Variants in PSD3 observed in about 807,000 individuals in gnomAD.
PSD3 encodes the protein PH and SEC7 domain-containing protein 3.
In PSD3, 49 loss-of-function variants were observed where a neutral mutation model predicts 105.5. The ratio of observed to expected loss-of-function variants is 0.46; its 90% CI spans 0.37 to 0.59. The LOEUF (loss-of-function observed/expected upper bound fraction) is 0.59. Among genes scored for constraint, PSD3 ranks in the 20% least tolerant of loss-of-function variants. PSD3 has a pLI of 0.00. For synonymous variants in PSD3, 557 were observed against 457.8 expected, an observed-to-expected ratio of 1.22 and a Z score of -2.77; for missense variants, 1,561 against 1,263.8, an observed-to-expected ratio of 1.24 and a Z score of -3.57.
chr8:18,833,726 C>T (rs578165803), intron 4 of PSD3, among the ~76,000 whole-genome samples: 4 of 151,932 alleles, frequency 2.6e-5, no homozygotes, highest in African/African-American at 7.2e-5. Flanking sequence ...GTGCTACCTG[C>T]CATTACAATT....
intron 9 of PSD3, among the ~76,000 whole-genome samples, chr8:18,663,790 A>T (rs913263887): frequency 2.0e-5 from 3 of 152,224 alleles, no homozygotes; most frequent in African/African-American, 7.2e-5. Context: ...TGCCTCACTG[A>T]GCTTCACGTA....
In PSD3 at chr8:18,699,893, T is replaced by A. The variant is rs140267518; in HGVS notation, c.2173-44208A>T. ...AAAAAAAAAACCACAAAAATCAAGCTGCAGATTCCGCTCCTATATTTTCCT... is the reference window on the plus strand; with the variant it reads ...AAAAAAAAAACCACAAAAATCAAGCAGCAGATTCCGCTCCTATATTTTCCT... On this transcript the variant is annotated intron_variant, in intron 9 of 15. Transcript: ENST00000327040. Among the ~76,000 whole-genome samples the A allele has an allele frequency of 3.5e-4, 53 of 151,058 alleles. 1 individual carries two copies. Among genetic ancestry groups the A allele is most frequent in the African/African-American group, 1.2e-3 (51 of 41,298 alleles).
At chr8:18,869,838 C>G (rs1334167544) in intron 3 of PSD3, among the ~76,000 whole-genome samples, 3 of 152,176 alleles carry the variant, frequency 2.0e-5, no homozygotes, top group Admixed American at 1.3e-4. Context: ...TTTATGTGAT[C>G]AATGTTTATC....
At chr8:18,915,852 T>C (rs911112644) in intron 2 of PSD3, among the ~76,000 whole-genome samples, 4 of 152,136 alleles carry the variant, frequency 2.6e-5, no homozygotes, top group African/African-American at 9.7e-5. Context: ...CCCAGCACTT[T>C]GGGAGGCCAA....
At position 18,788,046 on chromosome 8, in the gene PSD3, G is replaced by C. The variant is rs150057684; in HGVS notation, c.2082+11249C>G. ...TAAACAACTGGGTTTGGCTATTTAC[G>C]ATAACACTGATTTACAGAAACAAGC... On this transcript the variant is annotated intron_variant, in intron 8 of 15. Coordinates refer to ENST00000327040, the MANE Select transcript of PSD3 (RefSeq NM_015310.4). 1.3e-4 allele frequency among the ~76,000 whole-genome samples: 20 copies of C among 152,198 alleles called. No homozygotes were observed. In the East Asian group the frequency reaches 3.7e-3, roughly 28 times the overall value.
At chr8:18,863,614 CA>C (rs1292141988) in intron 4 of PSD3, among the ~76,000 whole-genome samples, 1 of 152,138 alleles carries the variant, frequency 6.6e-6, no homozygotes, top group Non-Finnish European at 1.5e-5. Flanking sequence ...AAAGTAATGA[CA>C]AAAAACTTAA....
At chr8:18,993,126 A>C (rs1250632948) in intron 1 of PSD3, among the ~76,000 whole-genome samples, 2 of 152,132 alleles carry the variant, frequency 1.3e-5, no homozygotes, top group East Asian at 3.8e-4. Context: ...AAAATAAGAA[A>C]ATCTTGTAAA....
intron 1 of PSD3, among the ~76,000 whole-genome samples, chr8:19,020,427 C>A (rs144140515): frequency 6.6e-6 from 1 of 151,970 alleles, no homozygotes; most frequent in Non-Finnish European, 1.5e-5. Flanking sequence ...TGAGGTCTTG[C>A]CTGGCGTGTT....
At chr8:18,875,452 G>A (rs890308082) in intron 2 of PSD3, among the ~76,000 whole-genome samples, 2 of 152,076 alleles carry the variant, frequency 1.3e-5, no homozygotes, top group Non-Finnish European at 2.9e-5. Context: ...GAAGGCAGTA[G>A]GTCTTTTCAT....
rs779667482 is a variant in PSD3, at chr8:18,804,793, G to A, written c.1740C>T (p.Ser580=). The A allele has an allele frequency of 4.3e-6, 7 of 1,613,948 alleles. No individual in the cohort carries two copies. Among genetic ancestry groups the A allele is most frequent in the African/African-American group, 4.0e-5 (3 of 74,892 alleles). The stretch of plus-strand genomic sequence containing the variant: ...CCAACCTTTTGGCTGCTTCCACATT[G>A]CTGCTGGTACCATTACTGAGATTTT... ...TPENLSNGTS[S]NVEAAKRLAK... Residue 580 remains serine (S), a synonymous_variant, in exon 5 of 16, where the codon AGC becomes AGT. Transcript: ENST00000327040.
chr8:18,538,805 T>C (rs183094474), intron 15 of PSD3, among the ~76,000 whole-genome samples: 17 of 152,208 alleles, frequency 1.1e-4, no homozygotes, highest in South Asian at 2.1e-4. Context: ...TGCAAAGCTA[T>C]TGTCTTAAAT....
At chr8:18,701,611 G>A (rs1801587172) in intron 9 of PSD3, among the ~76,000 whole-genome samples, 1 of 152,114 alleles carries the variant, frequency 6.6e-6, no homozygotes, top group African/African-American at 2.4e-5. Context: ...ATTGTTGAAG[G>A]AAACAAAAAA....
At chr8:18,790,884 GAT>G (rs1463670980) in intron 8 of PSD3, among the ~76,000 whole-genome samples, 2 of 151,942 alleles carry the variant, frequency 1.3e-5, no homozygotes, top group African/African-American at 4.8e-5. Context: ...GAAGTCTCAG[GAT>G]ACAAAGATCA....
At chr8:18,968,510 A>G (rs1824426101) in intron 1 of PSD3, among the ~76,000 whole-genome samples, 1 of 152,214 alleles carries the variant, frequency 6.6e-6, no homozygotes, top group African/African-American at 2.4e-5. Context: ...ACGCTTCTTT[A>G]TAGACATCTC....
rs80119561 is a variant in PSD3 at position 18,625,688 on chromosome 8, G to C, written c.2410+6925C>G. On this transcript the variant is annotated intron_variant, in intron 11 of 15. Transcript: ENST00000327040. ...TTTAACAATATGCTACTATTAGTTT[G>C]GTATAATCAGATTTTTGTTCCACCA... Among the ~76,000 whole-genome samples, 658 of 152,188 alleles carry C rather than the reference G, an allele frequency of 4.3e-3. 9 individuals are homozygous for C. The highest frequency in any genetic ancestry group is 0.032 in the Admixed American group (483 of 15,264).
intron 1 of PSD3, among the ~76,000 whole-genome samples, chr8:19,070,761 C>T (rs999988379): frequency 2.0e-5 from 3 of 152,140 alleles, no homozygotes; most frequent in African/African-American, 7.2e-5. Flanking sequence ...CCTCACTTTC[C>T]ACACTGCTGA....
At chr8:18,764,359 T>C (rs1474679133) in intron 9 of PSD3, among the ~76,000 whole-genome samples, 1 of 152,216 alleles carries the variant, frequency 6.6e-6, no homozygotes, top group Non-Finnish European at 1.5e-5. Flanking sequence ...TTTGGATTTA[T>C]ACCTTTAGAA....
chr8:18,820,770 CT>C (rs1215512370), intron 4 of PSD3, among the ~76,000 whole-genome samples: 1 of 152,056 alleles, frequency 6.6e-6, no homozygotes, highest in Non-Finnish European at 1.5e-5. Flanking sequence ...TTCTGGTTTT[CT>C]TTTCTCTTTT....
chr8:18,935,527 A>G (rs11410028), intron 2 of PSD3, among the ~76,000 whole-genome samples: 1 of 145,626 alleles, frequency 6.9e-6, no homozygotes, highest in Admixed American at 6.9e-5. Flanking sequence ...AAAAAAAAAA[A>G]GAAAAAAAGT....
Sources: gnomAD v4.1 joint callset for allele counts (sites outside exome capture counted in the v4.1 genomes callset) on GRCh38, gnomAD v4.1.1 for gene constraint, MANE v1.5 for transcripts, NCBI Gene and HGNC (gene_info 2026-07-23, HGNC 2026-07-21) for gene names.